Variants in NTM observed in about 807,000 individuals in gnomAD.
NTM encodes IgLON family member 2.
In NTM, 13 loss-of-function variants were observed where a neutral mutation model predicts 42.1. The ratio of observed to expected loss-of-function variants is 0.31; its 90% CI spans 0.20 to 0.49. The LOEUF is 0.49. NTM is among the 20% of genes least tolerant of loss of function. The pLI, the probability that NTM is intolerant of heterozygous loss-of-function variation, is 0.99. For missense variants in NTM, 373 were observed against 452.8 expected, an observed-to-expected ratio of 0.82 and a Z score of 1.60; for synonymous variants, 187 against 179.2, an observed-to-expected ratio of 1.04 and a Z score of -0.35.
chr11:132,334,088 G>GTGGCC lies in NTM; in HGVS notation c.968-954_968-950dup, dbSNP rs1404060121. ...GCCAGAGCAGGTCCAGTCTGAGGAGGTGGCCTGGTTCCTTGAGTAGCTAAT... is the reference window on the plus strand; with the variant it reads ...GCCAGAGCAGGTCCAGTCTGAGGAGGTGGCCTGGCCTGGTTCCTTGAGTAGCTAAT... On this transcript the variant is annotated intron_variant, in intron 8 of 8. Transcript: ENST00000683400. Among the ~76,000 whole-genome samples, 47 of 152,226 alleles carry GTGGCC rather than the reference G, an allele frequency of 3.1e-4. 1 individual carries two copies. Among genetic ancestry groups the GTGGCC allele is most frequent in the Admixed American group, 3.1e-3 (47 of 15,288 alleles).
chr11:131,912,292 G>C (rs1414596099), intron 2 of NTM, among the ~76,000 whole-genome samples: 1 of 152,182 alleles, frequency 6.6e-6, no homozygotes, highest in Admixed American at 6.5e-5. Context: ...GTAGTGAACT[G>C]TGTTCTGTTC....
Position 131,477,139 on chromosome 11 carries a change from C to T in NTM, c.82+106251C>T, listed in dbSNP as rs182332757. On this transcript the variant is annotated intron_variant, in intron 1 of 8. Coordinates refer to ENST00000683400, the MANE Select transcript of NTM (RefSeq NM_001352005.2). ...TTGGAGGAGAAAGGCGAATGCAGAACCCCAGATGATCCAAGATGATCCATG... is the reference window on the plus strand; with the variant it reads ...TTGGAGGAGAAAGGCGAATGCAGAATCCCAGATGATCCAAGATGATCCATG... 7.9e-5 allele frequency among the ~76,000 whole-genome samples: 12 copies of T among 152,238 alleles called. 1 individual carries two copies. Among genetic ancestry groups the T allele is most frequent in the Admixed American group, 3.9e-4 (6 of 15,298 alleles).
intron 2 of NTM, among the ~76,000 whole-genome samples, chr11:132,133,668 G>A (rs1027018129): frequency 1.3e-5 from 2 of 152,134 alleles, no homozygotes; most frequent in African/African-American, 4.8e-5. Context: ...GAGCATGTCT[G>A]TTTATATGTC....
At chr11:132,075,373 A>T (rs746067483) in intron 2 of NTM, among the ~76,000 whole-genome samples, 1 of 152,258 alleles carries the variant, frequency 6.6e-6, no homozygotes, top group Non-Finnish European at 1.5e-5. Context: ...ATGTGAAAAC[A>T]TATTTTGTAA....
At chr11:131,845,871 G>A (rs1177880658) in intron 1 of NTM, among the ~76,000 whole-genome samples, 2 of 151,768 alleles carry the variant, frequency 1.3e-5, no homozygotes, top group Non-Finnish European at 2.9e-5. Context: ...TGCCTCTCTG[G>A]TATTATCCTC....
At chr11:131,967,702 T>C (rs2063012729) in intron 2 of NTM, among the ~76,000 whole-genome samples, 1 of 152,220 alleles carries the variant, frequency 6.6e-6, no homozygotes, top group Non-Finnish European at 1.5e-5. Context: ...TTGTGTTTTC[T>C]TCTCTCTCTT....
At chr11:132,247,195 C>T (rs144687040) in intron 4 of NTM, among the ~76,000 whole-genome samples, 5 of 152,298 alleles carry the variant, frequency 3.3e-5, no homozygotes, top group East Asian at 1.9e-4. Context: ...TTGCCATCTG[C>T]GTGTATGTCC....
At chr11:131,669,119 C>A (rs2134603395) in intron 1 of NTM, among the ~76,000 whole-genome samples, 1 of 152,170 alleles carries the variant, frequency 6.6e-6, no homozygotes, top group South Asian at 2.1e-4. Flanking sequence ...TCATTCAGGG[C>A]TGTCCACTCT....
At chr11:132,075,748 A>C (rs1444794306) in intron 2 of NTM, among the ~76,000 whole-genome samples, 3 of 152,226 alleles carry the variant, frequency 2.0e-5, no homozygotes, top group Admixed American at 1.3e-4. Context: ...ACAAGTGCTT[A>C]GATTAAAGGA....
intron 1 of NTM, among the ~76,000 whole-genome samples, chr11:131,664,598 G>A (rs768427737): frequency 1.3e-5 from 2 of 152,080 alleles, no homozygotes; most frequent in Middle Eastern, 3.4e-3. Flanking sequence ...ATGAACACGC[G>A]CCATACGTTG....
At chr11:132,200,453 C>A (rs950834762) in intron 3 of NTM, among the ~76,000 whole-genome samples, 1 of 152,198 alleles carries the variant, frequency 6.6e-6, no homozygotes, top group African/African-American at 2.4e-5. Flanking sequence ...AGAGAAAAAT[C>A]TCTGGAATTA....
intron 1 of NTM, among the ~76,000 whole-genome samples, chr11:131,878,921 G>A (rs899639630): frequency 2.6e-5 from 4 of 151,862 alleles, no homozygotes; most frequent in African/African-American, 9.7e-5. Context: ...TCACCTCCCC[G>A]GAGTAACGGC....
intron 2 of NTM, among the ~76,000 whole-genome samples, chr11:131,931,852 C>T (rs973046780): frequency 3.3e-5 from 5 of 152,138 alleles, no homozygotes; most frequent in African/African-American, 1.2e-4. Flanking sequence ...GCGGCTGTGC[C>T]ATGGCAGCCA....
chr11:131,973,414 A>T (rs1476831077), intron 2 of NTM, among the ~76,000 whole-genome samples: 2 of 152,216 alleles, frequency 1.3e-5, no homozygotes, highest in Non-Finnish European at 2.9e-5. Flanking sequence ...AGACTGGTGA[A>T]CCTTTATTAG....
chr11:131,426,607 C>CG (rs1948158107), intron 1 of NTM, among the ~76,000 whole-genome samples: 1 of 152,278 alleles, frequency 6.6e-6, no homozygotes, highest in East Asian at 1.9e-4. Context: ...TGCTGCATTT[C>CG]GGCGGCTCTT....
chr11:132,240,743 A>C (rs2090051664), intron 4 of NTM, among the ~76,000 whole-genome samples: 1 of 152,266 alleles, frequency 6.6e-6, no homozygotes, highest in South Asian at 2.1e-4. Context: ...GGGTGAAATT[A>C]GATAGAGAAA....
intron 2 of NTM, among the ~76,000 whole-genome samples, chr11:131,976,956 T>C (rs1292310744): frequency 6.6e-6 from 1 of 152,204 alleles, no homozygotes; most frequent in Non-Finnish European, 1.5e-5. Flanking sequence ...GTGTGGGTAG[T>C]ACATGACCAC....
chr11:132,153,664 G>A (rs192896463), intron 3 of NTM, among the ~76,000 whole-genome samples: 329 of 152,268 alleles, frequency 2.2e-3, no homozygotes, highest in Non-Finnish European at 4.0e-3. Flanking sequence ...TTAGGACATA[G>A]GGAGTAGTTG....
chr11:132,300,193 C>A (rs1206168264), intron 4 of NTM, among the ~76,000 whole-genome samples: 2 of 152,036 alleles, frequency 1.3e-5, no homozygotes, highest in Admixed American at 6.6e-5. Context: ...TATTTCATTT[C>A]TGAGTTGAGA....
Sources: allele counts gnomAD v4.1 joint callset (sites outside exome capture counted in the v4.1 genomes callset), GRCh38; gene constraint gnomAD v4.1.1; transcripts MANE v1.5; gene names NCBI Gene and HGNC (gene_info 2026-07-23, HGNC 2026-07-21).